Variants in FSIP1 observed in about 807,000 individuals in gnomAD.
FSIP1 encodes the protein fibrous sheath-interacting protein 1.
A neutral mutation model predicts 60.9 loss-of-function variants in FSIP1; 65 were observed. The observed-to-expected ratio is 1.07, with a 90% CI of 0.87 to 1.31. The LOEUF (loss-of-function observed/expected upper bound fraction) is 1.31. FSIP1 is among the 40% of genes most tolerant of loss of function. The pLI is 0.00. For missense variants in FSIP1, 675 were observed against 665.5 expected, an observed-to-expected ratio of 1.01 and a Z score of -0.16; for synonymous variants, 209 against 221.2, an observed-to-expected ratio of 0.94 and a Z score of 0.49.
At chr15:39,719,587 C>G (rs567928330) in intron 9 of FSIP1, among the ~76,000 whole-genome samples, 113 of 152,336 alleles carry the variant, frequency 7.4e-4, no homozygotes, top group African/African-American at 2.6e-3. Context: ...GCAAATAAGG[C>G]ATGCGTTAGG....
chr15:39,751,682 T>C (rs562399593), intron 5 of FSIP1, among the ~76,000 whole-genome samples: 12 of 151,800 alleles, frequency 7.9e-5, no homozygotes, highest in Middle Eastern at 3.4e-3. Context: ...TGGGAAAATG[T>C]AGGTCAAAGG....
At chr15:39,647,872 T>C (rs1285860064) in intron 10 of FSIP1, among the ~76,000 whole-genome samples, 2 of 152,130 alleles carry the variant, frequency 1.3e-5, no homozygotes, top group East Asian at 1.9e-4. Context: ...CTGCATGACA[T>C]AGAATGTCTG....
intron 1 of FSIP1, among the ~76,000 whole-genome samples, chr15:39,781,189 G>A (rs548814695): frequency 6.6e-5 from 10 of 152,134 alleles, no homozygotes; most frequent in East Asian, 3.9e-4. Context: ...GATGATGTAC[G>A]GATGGCAAAA....
chr15:39,651,933 G>T (rs565085951), intron 10 of FSIP1, among the ~76,000 whole-genome samples: 2 of 152,220 alleles, frequency 1.3e-5, no homozygotes, highest in Non-Finnish European at 2.9e-5. Flanking sequence ...AATGGGGAAA[G>T]AAGTTAAGAT....
At chr15:39,657,537 A>G (rs911141209) in intron 10 of FSIP1, among the ~76,000 whole-genome samples, 1 of 152,210 alleles carries the variant, frequency 6.6e-6, no homozygotes, top group Non-Finnish European at 1.5e-5. Flanking sequence ...GCACACCTTT[A>G]AAGCAGTAGT....
intron 10 of FSIP1, among the ~76,000 whole-genome samples, chr15:39,648,393 G>T (rs986225753): frequency 6.6e-6 from 1 of 152,138 alleles, no homozygotes; most frequent in African/African-American, 2.4e-5. Flanking sequence ...ACTTGGGTTT[G>T]ATGTAGACCA....
chr15:39,737,454 G>A (rs1286792405), intron 8 of FSIP1, among the ~76,000 whole-genome samples: 1 of 152,086 alleles, frequency 6.6e-6, no homozygotes, highest in Non-Finnish European at 1.5e-5. Context: ...CACAAAACCA[G>A]TTTAGGGACA....
chr15:39,716,918 G>A (rs1013546095), intron 9 of FSIP1, among the ~76,000 whole-genome samples: 3 of 142,904 alleles, frequency 2.1e-5, no homozygotes, highest in African/African-American at 5.1e-5. Context: ...GGGTTCAAGC[G>A]ATTCTCCTGC....
intron 10 of FSIP1, among the ~76,000 whole-genome samples, chr15:39,682,204 G>A (rs766473329): frequency 6.6e-6 from 1 of 152,100 alleles, no homozygotes; most frequent in Non-Finnish European, 1.5e-5. Context: ...AGATACTTAT[G>A]TCTTAAATAT....
chr15:39,774,620 C>T (rs938801949), intron 2 of FSIP1, among the ~76,000 whole-genome samples: 6 of 152,162 alleles, frequency 3.9e-5, no homozygotes, highest in Non-Finnish European at 5.9e-5. Flanking sequence ...AGTAATGATG[C>T]AGGACTAGAT....
chr15:39,653,647 G>A (rs1430148725), intron 10 of FSIP1, among the ~76,000 whole-genome samples: 2 of 152,160 alleles, frequency 1.3e-5, no homozygotes, highest in African/African-American at 2.4e-5. Flanking sequence ...GAATCATGGG[G>A]TCAGGTCTTT....
chr15:39,773,195 G>T (rs181773528), intron 2 of FSIP1, among the ~76,000 whole-genome samples: 13 of 152,232 alleles, frequency 8.5e-5, no homozygotes, highest in Admixed American at 8.5e-4. Flanking sequence ...ACAAATCTGA[G>T]CAATAAAACT....
chr15:39,614,683 GGA>G (rs1409752201), intron 11 of FSIP1, among the ~76,000 whole-genome samples: 1 of 150,544 alleles, frequency 6.6e-6, no homozygotes, highest in Non-Finnish European at 1.5e-5. Context: ...CCATATTCAT[GGA>G]CTGAAAGAAT....
At chr15:39,742,799 T>C (rs778241524) in intron 5 of FSIP1, among the ~76,000 whole-genome samples, 1 of 152,182 alleles carries the variant, frequency 6.6e-6, no homozygotes, top group African/African-American at 2.4e-5. Flanking sequence ...TCAATTCCAA[T>C]TCCCTAATTT....
At chr15:39,677,123 G>T (rs952431136) in intron 10 of FSIP1, among the ~76,000 whole-genome samples, 2 of 152,116 alleles carry the variant, frequency 1.3e-5, no homozygotes, top group African/African-American at 4.8e-5. Flanking sequence ...CAGAAATAAG[G>T]ATATCGAAAT....
intron 9 of FSIP1, among the ~76,000 whole-genome samples, chr15:39,718,106 G>C (rs547380168): frequency 6.6e-6 from 1 of 151,950 alleles, no homozygotes; most frequent in East Asian, 1.9e-4. Context: ...AACATCCACT[G>C]TTAGCTCCTT....
At chr15:39,679,364 CAG>C (rs1322807242) in intron 10 of FSIP1, among the ~76,000 whole-genome samples, 1 of 152,164 alleles carries the variant, frequency 6.6e-6, no homozygotes, top group East Asian at 1.9e-4. Context: ...GACAAACTGA[CAG>C]GGGAAGAGAA....
At chr15:39,752,451 G>T (rs1014055969) in intron 5 of FSIP1, among the ~76,000 whole-genome samples, 3 of 151,928 alleles carry the variant, frequency 2.0e-5, no homozygotes, top group African/African-American at 4.8e-5. Flanking sequence ...TCAGCCAGGT[G>T]AACAGAGTTA....
At chr15:39,635,250 G>A (rs571860299) in intron 10 of FSIP1, among the ~76,000 whole-genome samples, 75 of 151,958 alleles carry the variant, frequency 4.9e-4, no homozygotes, top group African/African-American at 1.5e-3. Flanking sequence ...CAGGAGAATC[G>A]CTTGAACCAG....
Sources: gnomAD v4.1 joint callset for allele counts (sites outside exome capture counted in the v4.1 genomes callset) on GRCh38, gnomAD v4.1.1 for gene constraint, MANE v1.5 for transcripts, NCBI Gene and HGNC (gene_info 2026-07-23, HGNC 2026-07-21) for gene names.